Variants in DNAH14 observed in about 807,000 individuals in gnomAD.
The protein encoded by DNAH14 is dynein axonemal heavy chain 14.
In DNAH14, 478 loss-of-function variants were observed where a neutral mutation model predicts 520.9. That is an observed-to-expected ratio of 0.92 (90% CI 0.85 to 0.99). The LOEUF is 0.99. Ranked by LOEUF, DNAH14 falls within the 50% of genes least tolerant of loss-of-function variation. DNAH14 has a pLI of 0.00. For missense variants in DNAH14, 4,831 were observed against 5,234.5 expected, an observed-to-expected ratio of 0.92 and a Z score of 2.38; for synonymous variants, 1,581 against 1,757.2, an observed-to-expected ratio of 0.90 and a Z score of 2.51.
At chr1:225,036,181 G>C (rs895569355) in intron 11 of DNAH14, among the ~76,000 whole-genome samples, 3 of 152,094 alleles carry the variant, frequency 2.0e-5, no homozygotes, top group Non-Finnish European at 4.4e-5. Flanking sequence ...TCTCACCTGG[G>C]ATGGAGTGCA....
chr1:224,947,764 A>G (rs1386581449), intron 1 of DNAH14, among the ~76,000 whole-genome samples: 1 of 151,898 alleles, frequency 6.6e-6, no homozygotes, highest in African/African-American at 2.4e-5. Flanking sequence ...TTATTTCTTA[A>G]TATTTTAAAT....
At chr1:225,229,451 A>G (rs633994) in intron 41 of DNAH14, among the ~76,000 whole-genome samples, 27,440 of 152,146 alleles carry the variant, frequency 0.18, 3,151 homozygotes, top group African/African-American at 0.31. Flanking sequence ...TCATTCTACT[A>G]TAAAGAAACA....
At chr1:225,157,887 G>A (rs946199001) in intron 34 of DNAH14, among the ~76,000 whole-genome samples, 8 of 152,236 alleles carry the variant, frequency 5.3e-5, no homozygotes, top group Admixed American at 3.3e-4. Context: ...ATTCCAACCC[G>A]CTATAACTCT....
chr1:225,302,166 A>G (rs2094151484), intron 56 of DNAH14, among the ~76,000 whole-genome samples: 1 of 149,296 alleles, frequency 6.7e-6, no homozygotes. Flanking sequence ...CTATGCTTCT[A>G]AAAGTAATTT....
chr1:225,060,150 C>A (rs945978012), intron 17 of DNAH14, among the ~76,000 whole-genome samples: 1 of 152,196 alleles, frequency 6.6e-6, no homozygotes, highest in African/African-American at 2.4e-5. Flanking sequence ...CTCCCTGTTA[C>A]CAATCAGATG....
At chr1:225,110,221 T>C (rs1279825850) in intron 23 of DNAH14, among the ~76,000 whole-genome samples, 6 of 152,070 alleles carry the variant, frequency 3.9e-5, no homozygotes, top group African/African-American at 1.4e-4. Context: ...AGTATTCCTT[T>C]CTCTATTTTT....
chr1:225,175,234 G>A (rs990566331), intron 36 of DNAH14, among the ~76,000 whole-genome samples: 2 of 152,126 alleles, frequency 1.3e-5, no homozygotes, highest in Admixed American at 6.5e-5. Flanking sequence ...AGTAGAATTG[G>A]TATTAGTTCT....
intron 7 of DNAH14, among the ~76,000 whole-genome samples, chr1:224,970,538 C>T (rs1048737656): frequency 6.6e-6 from 1 of 152,056 alleles, no homozygotes. Flanking sequence ...TTTTACCGCT[C>T]GGGGGCATGA....
chr1:224,945,469 A>G (rs565426624), intron 1 of DNAH14, among the ~76,000 whole-genome samples: 4 of 151,854 alleles, frequency 2.6e-5, no homozygotes, highest in South Asian at 4.2e-4. Flanking sequence ...TAGTTTGATC[A>G]TCTGAAGCCT....
chr1:225,097,058 CTCTT>C, intron 21 of DNAH14, 56 bp from the exon 22 acceptor site: 1 of 1,378,540 alleles, frequency 7.3e-7, no homozygotes. Flanking sequence ...TGTTATGTAA[CTCTT>C]AAAGAATAAT....
intron 23 of DNAH14, among the ~76,000 whole-genome samples, chr1:225,116,976 C>A (rs551767903): frequency 6.6e-6 from 1 of 151,964 alleles, no homozygotes; most frequent in African/African-American, 2.4e-5. Flanking sequence ...TAGACAGTAG[C>A]TAAAGGAGAA....
At chr1:225,296,301 C>A (rs2150037047) in intron 55 of DNAH14, among the ~76,000 whole-genome samples, 1 of 152,206 alleles carries the variant, frequency 6.6e-6, no homozygotes, top group Admixed American at 6.5e-5. Context: ...CTCAAGAGAT[C>A]CTCCTGCCTT....
intron 41 of DNAH14, among the ~76,000 whole-genome samples, chr1:225,220,384 G>A (rs1024519521): frequency 1.3e-5 from 2 of 152,130 alleles, no homozygotes; most frequent in Admixed American, 6.5e-5. Context: ...GTTCGCAAAT[G>A]ACATGATTGT....
intron 84 of DNAH14, among the ~76,000 whole-genome samples, chr1:225,394,779 G>A (rs973836986): frequency 1.5e-4 from 23 of 151,862 alleles, no homozygotes; most frequent in African/African-American, 5.6e-4. Flanking sequence ...GGGAGGCAGA[G>A]GTTGCAGTGA....
chr1:225,081,405 A>G (rs1356458889), intron 19 of DNAH14, among the ~76,000 whole-genome samples: 3 of 152,226 alleles, frequency 2.0e-5, no homozygotes, highest in Admixed American at 6.5e-5. Context: ...TTTAGAAAAG[A>G]GAACAATTGG....
Position 225,051,307 on chromosome 1 carries a change from A to G in DNAH14, c.2080-144A>G, listed in dbSNP as rs941202884. ...TTTCTTAAAGTCTTGTGTTTCCAAC[A>G]TATTTCGATTTTTAATAGAGGTTCT... On this transcript the variant is annotated intron_variant, in intron 16 of 85. Transcript: ENST00000682510. 8.7e-6 allele frequency: 5 copies of G among 574,344 alleles called. No homozygotes were observed. In the African/African-American group the frequency reaches 9.8e-5, roughly 11 times the overall value. The allele number at this position is 574,344 out of a possible 1,614,324, so 35.6% of individuals were successfully genotyped here. A position where few individuals can be genotyped will look rare whatever the true frequency, so the allele number is the denominator to read the frequency against.
Position 225,307,526 on chromosome 1 carries a change from A to G in DNAH14, c.9071A>G (p.Glu3024Gly). Reference protein sequence around the residue: ...EATTLVTEMQEELLILGPQVE... With the variant: ...EATTLVTEMQGELLILGPQVE... ...ACCACTCTAGTTACAGAAATGCAAG[A>G]AGAGCTCTTGATTCTTGGCCCTCAA... The change falls in exon 59 of 86, where the codon GAA becomes GGA. Residue 3024 changes from glutamate to glycine, a missense_variant. By Grantham distance (98) the Glu-to-Gly change is moderately conservative (BLOSUM62 -2). Coordinates refer to ENST00000682510, the MANE Select transcript of DNAH14 (RefSeq NM_001367479.1). 6.5e-7 allele frequency: 1 copy of G among 1,547,660 alleles called. No individual in the cohort carries two copies.
chr1:225,080,444 T>G lies in DNAH14; in HGVS notation c.2832T>G (p.Thr944=). Residue 944 remains threonine, a synonymous_variant, in exon 19 of 86, where the codon ACT becomes ACG. Transcript: ENST00000682510. ...CAACAGCAATGGAAATGATCCAGAC[T>G]CTCTCAGGGGAAGCTGCAAGTTTAA... ...QVSTAMEMIQ[T]LSGEAASLTN... The G allele has an allele frequency of 1.3e-6, 2 of 1,551,336 alleles. No individual in the cohort carries two copies. Among genetic ancestry groups the G allele is most frequent in the South Asian group, 1.2e-5 (1 of 84,004 alleles).
At chr1:225,054,897 TTAA>T (rs1278280729) in intron 17 of DNAH14, among the ~76,000 whole-genome samples, 1 of 152,132 alleles carries the variant, frequency 6.6e-6, no homozygotes, top group African/African-American at 2.4e-5. Context: ...TATAACTCAG[TTAA>T]TAATTATCTT....
Sources: gnomAD v4.1 joint callset for allele counts (sites outside exome capture counted in the v4.1 genomes callset) on GRCh38, gnomAD v4.1.1 for gene constraint, MANE v1.5 for transcripts, NCBI Gene and HGNC (gene_info 2026-07-23, HGNC 2026-07-21) for gene names.